ABCF1: variants seen among roughly 807,000 people sequenced by gnomAD.
ABCF1 encodes the protein ATP binding cassette subfamily F member 1, also known as ATP-binding cassette sub-family F member 1.
In ABCF1, 73 loss-of-function variants were observed where a neutral mutation model predicts 126.3. That is an observed-to-expected ratio of 0.58 (90% CI 0.48 to 0.70). The LOEUF is 0.70. Ranked by LOEUF, ABCF1 falls within the 30% of genes least tolerant of loss-of-function variation. The pLI, the probability that ABCF1 is intolerant of heterozygous loss-of-function variation, is 0.00. For missense variants in ABCF1, 786 were observed against 1,057.5 expected, an observed-to-expected ratio of 0.74 and a Z score of 3.56; for synonymous variants, 345 against 396.4, an observed-to-expected ratio of 0.87 and a Z score of 1.54.
intron 3 of ABCF1, 79 bp from the exon 4 acceptor site, chr6:30,577,997 T>C: frequency 6.2e-7 from 1 of 1,613,594 alleles, no homozygotes; most frequent in Non-Finnish European, 8.5e-7. Flanking sequence ...TCCATTCAGC[T>C]GATGGGGAAC....
intron 20 of ABCF1, among the ~76,000 whole-genome samples, chr6:30,589,084 C>T (rs1802302877): frequency 1.3e-5 from 2 of 152,226 alleles, no homozygotes; most frequent in South Asian, 4.1e-4. Context: ...CAGCAACTTC[C>T]ACCTCCTGGG....
intron 1 of ABCF1, 149 bp downstream of exon 1, chr6:30,571,709 C>T (rs183154838): frequency 9.5e-6 from 8 of 839,070 alleles, no homozygotes; most frequent in African/African-American, 5.2e-5. Flanking sequence ...AGGAGTTTGC[C>T]GGGGAGGAGT....
intron 8 of ABCF1, among the ~76,000 whole-genome samples, chr6:30,581,814 G>C (rs948206315): frequency 6.6e-6 from 1 of 152,148 alleles, no homozygotes; most frequent in Non-Finnish European, 1.5e-5. Context: ...TGTATTGGGA[G>C]TTACATTTAT....
chr6:30,589,820 C>T lies in ABCF1; in HGVS notation c.2079C>T (p.Phe693=). 6.2e-7 allele frequency: 1 copy of T among 1,614,232 alleles called. No individual in the cohort carries two copies. The highest frequency in any genetic ancestry group is 8.5e-7 in the Non-Finnish European group (1 of 1,180,038). The stretch of plus-strand genomic sequence containing the variant: ...TTCTCGGGCAGAAAATTGGCTTCTT[C>T]AACCAGCAGTATGCAGAGCAGCTGC... ...RKNHRLKIGF[F]NQQYAEQLRM... is the part of the protein sequence containing the mutation. Residue 693 remains phenylalanine, a synonymous_variant, in exon 22 of 25, where the codon TTC becomes TTT. Coordinates refer to ENST00000326195, the MANE Select transcript of ABCF1 (RefSeq NM_001025091.2).
chr6:30,571,889 C>G (rs1386653051), intron 1 of ABCF1, among the ~76,000 whole-genome samples: 3 of 152,050 alleles, frequency 2.0e-5, no homozygotes, highest in Admixed American at 6.6e-5. Flanking sequence ...TGTATTCCAC[C>G]AGGAATATAT....
At chr6:30,571,841 C>G (rs1486417643) in intron 1 of ABCF1, among the ~76,000 whole-genome samples, 1 of 151,902 alleles carries the variant, frequency 6.6e-6, no homozygotes, top group Non-Finnish European at 1.5e-5. Context: ...ATGGGAAAAC[C>G]TTGCTTAAAA....
intron 1 of ABCF1, 57 bp downstream of exon 1, chr6:30,571,617 C>G: frequency 6.4e-7 from 1 of 1,557,506 alleles, no homozygotes; most frequent in Non-Finnish European, 8.7e-7. Flanking sequence ...GGAGACTGCG[C>G]GTGTTTTAAG....
At chr6:30,585,091 C>T (rs556503728) in intron 14 of ABCF1, among the ~76,000 whole-genome samples, 169 bp from the exon 15 acceptor site, 1 of 152,142 alleles carries the variant, frequency 6.6e-6, no homozygotes, top group East Asian at 1.9e-4. Context: ...GGCAACAGGG[C>T]GAGACCCTGT....
At chr6:30,575,244 A>AT (rs1045423660) in intron 1 of ABCF1, among the ~76,000 whole-genome samples, 1 of 151,506 alleles carries the variant, frequency 6.6e-6, no homozygotes. Flanking sequence ...TAATTTTTGT[A>AT]TTTTTAGTAG....
In ABCF1 at chr6:30,576,589, G is replaced by A. The variant is rs576385636; in HGVS notation, c.74-820G>A. Among the ~76,000 whole-genome samples, 8 of 151,728 alleles carry A rather than the reference G, an allele frequency of 5.3e-5. No homozygotes were observed. The South Asian group carries it at 1.0e-3, about 20-fold the overall frequency. ...CAGGCATGAGCCACCGCGCCCGGCC[G>A]GGTGCTCTTTATTCCCCACCTCTAG... On this transcript the variant is annotated intron_variant, in intron 1 of 24. Transcript: ENST00000326195.
chr6:30,577,688 A>G, intron 2 of ABCF1, 130 bp from the exon 3 acceptor site: 1 of 1,027,492 alleles, frequency 9.7e-7, no homozygotes, highest in Non-Finnish European at 1.5e-6. Flanking sequence ...CCACAAAAAG[A>G]AAAAAAAGAG....
rs1802381871 is a variant in ABCF1, at chr6:30,590,387, G to C, written c.2371+9G>C. 1.2e-6 allele frequency: 2 copies of C among 1,603,900 alleles called. No homozygotes were observed. The highest frequency in any genetic ancestry group is 4.5e-5 in the East Asian group (2 of 44,800). ...CAATGAATACAAGGGTGGTAAGTCA[G>C]CTGAGAGTGTGCCCTCATCCCTGCT... On this transcript the variant is annotated intron_variant, in intron 24 of 24. Transcript: ENST00000326195.
At chr6:30,581,207 A>G (rs1282114341) in intron 8 of ABCF1, among the ~76,000 whole-genome samples, 1 of 152,074 alleles carries the variant, frequency 6.6e-6, no homozygotes, top group Non-Finnish European at 1.5e-5. Flanking sequence ...ATCTCAGATG[A>G]TCTGGGTCCT....
At chr6:30,578,322 C>G (rs533472292) in intron 4 of ABCF1, 26 bp from the exon 5 acceptor site, 11 of 1,613,924 alleles carry the variant, frequency 6.8e-6, no homozygotes, top group Non-Finnish European at 9.3e-6. Flanking sequence ...TCTTTCCTAT[C>G]TCATGTTCTC....
In ABCF1 at chr6:30,585,208, T is replaced by C. The variant is rs376071705; in HGVS notation, c.1392-52T>C. 1.2e-4 allele frequency: 185 copies of C among 1,522,354 alleles called. No homozygotes were observed. The Middle Eastern group carries it at 2.7e-3, about 22-fold the overall frequency. The allele number at this position is 1,522,354 out of a possible 1,614,324, so 94.3% of individuals were successfully genotyped here. ...TCTCCGAGTTTTCTCTGGGGTTGTC[T>C]GAGCAAGGATCTTTCTCTCCCTGAC... On this transcript the variant is annotated intron_variant, in intron 14 of 24. Coordinates refer to ENST00000326195, the MANE Select transcript of ABCF1 (RefSeq NM_001025091.2).
chr6:30,578,700 C>A, intron 6 of ABCF1, 123 bp downstream of exon 6: 1 of 939,106 alleles, frequency 1.1e-6, no homozygotes, highest in Non-Finnish European at 1.6e-6. Flanking sequence ...TTAAAATCAT[C>A]TTTTTAGAAT....
Position 30,580,407 on chromosome 6 carries a change from C to A in ABCF1, c.566C>A (p.Pro189His). 6.6e-7 allele frequency: 1 copy of A among 1,525,000 alleles called. No individual in the cohort carries two copies. The highest frequency in any genetic ancestry group is 8.7e-7 in the Non-Finnish European group (1 of 1,144,190). 94.5% of individuals were successfully genotyped at this position (1,525,000 alleles called of 1,614,324 possible). A position where few individuals can be genotyped will look rare whatever the true frequency, so the allele number is the denominator to read the frequency against. Residue 189 changes from proline (P) to histidine (H), a missense_variant and splice_region_variant, in exon 8 of 25, where the codon CCT (proline) becomes CAT (histidine). Around this residue, in one of 4 missense-constraint regions of ABCF1, gnomAD observed 322 missense variants for 322.9 expected, o/e 1.00. Transcript: ENST00000326195. ...TCAGACCTGTCTTTTCCCTATTAGC[C>A]TCAAAATAAATTCGCTGCTCTGGAC... ...KEEKSKGKAKPQNKFAALDNE... is the reference protein window; with the variant it reads ...KEEKSKGKAKHQNKFAALDNE...
Position 30,571,451 on chromosome 6 carries a change from A to G in ABCF1, c.-37A>G. The stretch of plus-strand genomic sequence containing the variant: ...CCCCGCCGCCGGAAGCGGAAATAGC[A>G]CCGGGCGCCGCCACAGTAGCTGTAA... On this transcript the variant is annotated 5_prime_UTR_variant, in exon 1 of 25. Coordinates refer to ENST00000326195, the MANE Select transcript of ABCF1 (RefSeq NM_001025091.2). 3.1e-6 allele frequency: 5 copies of G among 1,588,408 alleles called. No individual in the cohort carries two copies. Among genetic ancestry groups the G allele is most frequent in the Non-Finnish European group, 2.6e-6 (3 of 1,167,592 alleles).
intron 8 of ABCF1, among the ~76,000 whole-genome samples, chr6:30,582,120 G>C (rs190597685): frequency 4.0e-5 from 6 of 151,452 alleles, no homozygotes; most frequent in African/African-American, 1.2e-4. Context: ...GCAGTGGCAC[G>C]ATCTCGGCTC....
Sources: gnomAD v4.1 joint callset for allele counts (sites outside exome capture counted in the v4.1 genomes callset) on GRCh38, gnomAD v4.1.1 for gene constraint, gnomAD v4.1.1 regional missense constraint, MANE v1.5 for transcripts, NCBI Gene and HGNC (gene_info 2026-07-23, HGNC 2026-07-21) for gene names.